The following CTXND1 variants were observed in gnomAD, a reference collection of about 807,000 sequenced individuals.
The protein encoded by CTXND1 is cortexin domain containing 1, also known as cortexin domain-containing 1 protein.
At position 80,197,669 on chromosome 15, in the gene CTXND1, CTGTT is replaced by C. The variant is rs560695173; in HGVS notation, c.*4097_*4100del. 1.3e-5 allele frequency: 2 copies of C among 152,350 alleles called. No individual in the cohort carries two copies. The highest frequency in any genetic ancestry group is 2.9e-5 in the Non-Finnish European group (2 of 68,082). The allele number at this position is 152,350 out of a possible 1,614,324, so 9.4% of individuals were successfully genotyped here. On this transcript the variant is annotated 3_prime_UTR_variant, in exon 3 of 3. Coordinates refer to ENST00000560778, the MANE Select transcript of CTXND1 (RefSeq NM_001352888.2). ...CACATGGATGTGGACCCAGATAACT[CTGTT>C]TGGGCACCTCTCCACAGGCTGGGCC...
At chr15:80,218,771 G>A (rs1893281268) in intron 1 of CTXND1, among the ~76,000 whole-genome samples, 2 of 152,052 alleles carry the variant, frequency 1.3e-5, no homozygotes, top group African/African-American at 4.8e-5. Flanking sequence ...TATTACAGAT[G>A]TAAGCGAAGC....
chr15:80,214,826 A>T (rs1217207194), intron 1 of CTXND1, among the ~76,000 whole-genome samples: 1 of 152,166 alleles, frequency 6.6e-6, no homozygotes, highest in Non-Finnish European at 1.5e-5. Context: ...TTAAAAATAA[A>T]CCCTAGAGCA....
At chr15:80,209,504 T>C (rs989026595) in intron 1 of CTXND1, among the ~76,000 whole-genome samples, 5 of 152,226 alleles carry the variant, frequency 3.3e-5, no homozygotes. Context: ...AGTCAGGGAC[T>C]CTGACCTAGG....
chr15:80,206,946 C>T (rs1893153197), intron 1 of CTXND1, among the ~76,000 whole-genome samples: 2 of 152,332 alleles, frequency 1.3e-5, no homozygotes, highest in South Asian at 4.1e-4. Context: ...AGATTGTTGT[C>T]TACCATGTCC....
chr15:80,205,858 G>GT (rs1217954089), intron 1 of CTXND1, among the ~76,000 whole-genome samples: 1 of 152,144 alleles, frequency 6.6e-6, no homozygotes, highest in Non-Finnish European at 1.5e-5. Context: ...CATTGTTTCA[G>GT]TTACTGGCTT....
intron 1 of CTXND1, among the ~76,000 whole-genome samples, chr15:80,243,768 A>T (rs1893597057): frequency 6.6e-6 from 1 of 152,186 alleles, no homozygotes; most frequent in Non-Finnish European, 1.5e-5. Flanking sequence ...AGTCACAGTG[A>T]GATGAGTCCC....
At chr15:80,220,872 A>T (rs1227701986) in intron 1 of CTXND1, among the ~76,000 whole-genome samples, 2 of 150,538 alleles carry the variant, frequency 1.3e-5, no homozygotes, top group Admixed American at 1.3e-4. Flanking sequence ...CAGAAAATTT[A>T]CTGAGCTCTA....
intron 1 of CTXND1, among the ~76,000 whole-genome samples, chr15:80,213,924 A>G (rs991066826): frequency 5.9e-5 from 9 of 151,792 alleles, no homozygotes; most frequent in Non-Finnish European, 1.2e-4. Context: ...TTGAAGAGTT[A>G]CCTCTACCAC....
At chr15:80,209,783 C>A (rs1480094310) in intron 1 of CTXND1, among the ~76,000 whole-genome samples, 1 of 152,186 alleles carries the variant, frequency 6.6e-6, no homozygotes, top group Non-Finnish European at 1.5e-5. Flanking sequence ...GTGTACCACA[C>A]CAGGGCTGGG....
At chr15:80,234,974 C>T (rs771078415) in intron 1 of CTXND1, among the ~76,000 whole-genome samples, 13 of 140,646 alleles carry the variant, frequency 9.2e-5, no homozygotes, top group Non-Finnish European at 1.5e-4. Context: ...GGCTGAGGTT[C>T]GGTCCCCAGA....
intron 1 of CTXND1, among the ~76,000 whole-genome samples, chr15:80,223,155 C>T (rs936070164): frequency 8.5e-5 from 13 of 152,086 alleles, no homozygotes; most frequent in African/African-American, 2.9e-4. Flanking sequence ...CTCGGCCCAC[C>T]TCAACCTCCG....
At chr15:80,221,062 C>G (rs186486640) in intron 1 of CTXND1, among the ~76,000 whole-genome samples, 2 of 152,068 alleles carry the variant, frequency 1.3e-5, no homozygotes, top group Non-Finnish European at 2.9e-5. Flanking sequence ...GCACCCGCCA[C>G]CACGCTCGAC....
rs2141465506 is a variant in CTXND1 at position 80,244,405 on chromosome 15, A to G, written c.-218+7602T>C. Reference sequence around the variant, plus strand: ...TTGAACCACGAGGAGGCACAGCCCAACACAGGGTTGGTCATGGGAGGCTGA... The same window carrying G: ...TTGAACCACGAGGAGGCACAGCCCAGCACAGGGTTGGTCATGGGAGGCTGA... On this transcript the variant is annotated intron_variant, in intron 1 of 2. Coordinates refer to ENST00000560778, the MANE Select transcript of CTXND1 (RefSeq NM_001352888.2). Among the ~76,000 whole-genome samples the G allele has an allele frequency of 2.6e-5, 4 of 152,360 alleles. 1 individual carries two copies. The South Asian group carries it at 8.3e-4, about 32-fold the overall frequency.
intron 1 of CTXND1, among the ~76,000 whole-genome samples, chr15:80,204,356 T>C (rs1893124758): frequency 6.6e-6 from 1 of 150,922 alleles, no homozygotes; most frequent in Non-Finnish European, 1.5e-5. Flanking sequence ...ACATCCACAC[T>C]GTGGTGCAGC....
At chr15:80,239,581 T>C (rs1234739575) in intron 1 of CTXND1, among the ~76,000 whole-genome samples, 2 of 152,248 alleles carry the variant, frequency 1.3e-5, no homozygotes, top group African/African-American at 2.4e-5. Context: ...TGTTCTTCAG[T>C]TTTGGGACTC....
chr15:80,251,573 C>A (rs1046877496), intron 1 of CTXND1, among the ~76,000 whole-genome samples: 1 of 152,240 alleles, frequency 6.6e-6, no homozygotes, highest in African/African-American at 2.4e-5. Context: ...TTTCAACTCA[C>A]ACTCCCCAAA....
At chr15:80,213,333 G>T (rs984037573) in intron 1 of CTXND1, among the ~76,000 whole-genome samples, 3 of 152,218 alleles carry the variant, frequency 2.0e-5, no homozygotes, top group Non-Finnish European at 4.4e-5. Flanking sequence ...ATGGTAGGTT[G>T]AATAATGGCC....
chr15:80,245,542 G>A (rs1265012253), intron 1 of CTXND1, among the ~76,000 whole-genome samples: 2 of 152,104 alleles, frequency 1.3e-5, no homozygotes, highest in African/African-American at 4.8e-5. Flanking sequence ...CAGAAGCCAC[G>A]TGGCCTTTTC....
chr15:80,218,903 T>G (rs546625274), intron 1 of CTXND1, among the ~76,000 whole-genome samples: 1 of 151,432 alleles, frequency 6.6e-6, no homozygotes, highest in East Asian at 2.0e-4. Flanking sequence ...GAAGAATATA[T>G]TCATACACCA....
Sources: allele counts gnomAD v4.1 joint callset (sites outside exome capture counted in the v4.1 genomes callset), GRCh38; gene constraint gnomAD v4.1.1; transcripts MANE v1.5; gene names NCBI Gene and HGNC (gene_info 2026-07-23, HGNC 2026-07-21).